CAPSL: variants seen among roughly 807,000 people sequenced by gnomAD.
CAPSL encodes the protein calcyphosin-like protein.
Under a neutral mutation model 21.3 loss-of-function variants are expected in CAPSL, and 17 were observed. The ratio of observed to expected loss-of-function variants is 0.80; its 90% CI spans 0.55 to 1.20. The LOEUF (loss-of-function observed/expected upper bound fraction) is 1.20, where lower values mean the gene tolerates loss of function less well. Ranked by LOEUF, CAPSL falls within the 50% of genes most tolerant of loss-of-function variation. The probability of loss-of-function intolerance (pLI) is 0.00; values close to 1 mark genes in which losing one functional copy is unlikely to be tolerated. For synonymous variants in CAPSL, 102 were observed against 89.3 expected (o/e 1.14, Z -0.80); for missense variants, 289 against 259.3 (o/e 1.11, Z -0.79).
chr5:35,906,842 T>C (rs1237752006), intron 4 of CAPSL, among the ~76,000 whole-genome samples: 1 of 152,084 alleles, frequency 6.6e-6, no homozygotes, highest in Non-Finnish European at 1.5e-5. Flanking sequence ...GGGCAAAAGA[T>C]AAAGGAAGCA....
chr5:35,923,291 T>C (rs852244), intron 1 of CAPSL, among the ~76,000 whole-genome samples: 27,649 of 152,100 alleles, frequency 0.18, 3,322 homozygotes, highest in East Asian at 0.51. Context: ...AGCTCCTGGA[T>C]CTGGGACAGA....
intron 1 of CAPSL, among the ~76,000 whole-genome samples, chr5:35,924,501 G>A (rs1234137669): frequency 2.0e-5 from 3 of 152,128 alleles, no homozygotes; most frequent in Non-Finnish European, 4.4e-5. Context: ...ACCTCTTGAG[G>A]CTGACCCTAC....
intron 2 of CAPSL, among the ~76,000 whole-genome samples, chr5:35,919,170 A>AAAAAATATATATATATATAT (rs754098152): frequency 4.9e-5 from 6 of 121,268 alleles, no homozygotes; most frequent in South Asian, 5.2e-4. Flanking sequence ...TAAAAAAAAA[A>AAAAAATATATATATATATAT]ATATATATAT....
At chr5:35,911,547 A>T (rs1375768589) in intron 2 of CAPSL, among the ~76,000 whole-genome samples, 1 of 152,218 alleles carries the variant, frequency 6.6e-6, no homozygotes, top group Non-Finnish European at 1.5e-5. Flanking sequence ...AAAACCAGGA[A>T]AGTCTGAGAA....
chr5:35,911,181 C>T (rs187491876), intron 2 of CAPSL, among the ~76,000 whole-genome samples: 93 of 152,248 alleles, frequency 6.1e-4, no homozygotes, highest in African/African-American at 2.2e-3. Context: ...CAGAAAAATT[C>T]CAAATAAGTT....
At chr5:35,928,486 G>A (rs1023350115) in intron 1 of CAPSL, among the ~76,000 whole-genome samples, 1 of 152,188 alleles carries the variant, frequency 6.6e-6, no homozygotes, top group Non-Finnish European at 1.5e-5. Context: ...TTGACATCGT[G>A]AGAGTTACTT....
At chr5:35,906,880 G>A (rs1218141632) in intron 4 of CAPSL, among the ~76,000 whole-genome samples, 2 of 152,232 alleles carry the variant, frequency 1.3e-5, no homozygotes, top group East Asian at 1.9e-4. Context: ...GTCAGATGAC[G>A]TCAAGCCAGA....
intron 2 of CAPSL, among the ~76,000 whole-genome samples, chr5:35,913,149 G>C (rs187215688): frequency 3.3e-4 from 50 of 152,190 alleles, no homozygotes; most frequent in African/African-American, 9.6e-4. Flanking sequence ...GAGAAGAGAA[G>C]TTTAGAGATA....
At chr5:35,918,642 A>T (rs530130116) in intron 2 of CAPSL, among the ~76,000 whole-genome samples, 23 of 152,342 alleles carry the variant, frequency 1.5e-4, no homozygotes, top group Admixed American at 8.5e-4. Context: ...TGGAGTAATC[A>T]GAATCTAAAG....
chr5:35,904,933 G>A (rs1420403319), intron 4 of CAPSL, among the ~76,000 whole-genome samples: 1 of 152,186 alleles, frequency 6.6e-6, no homozygotes, highest in Non-Finnish European at 1.5e-5. Flanking sequence ...GTCGGTTCAG[G>A]TAAGGGAGAC....
At chr5:35,930,822 A>G (rs1738801764) in intron 1 of CAPSL, among the ~76,000 whole-genome samples, 1 of 152,052 alleles carries the variant, frequency 6.6e-6, no homozygotes, top group South Asian at 2.1e-4. Flanking sequence ...GCCCTATTCC[A>G]CTTTCTACTG....
chr5:35,904,813 G>T, intron 4 of CAPSL, 167 bp from the exon 5 acceptor site: 1 of 632,662 alleles, frequency 1.6e-6, no homozygotes, highest in Non-Finnish European at 2.0e-6. Context: ...GCTGAGGATG[G>T]TGTGAGAACA....
chr5:35,932,927 G>T (rs1423186592), intron 1 of CAPSL, among the ~76,000 whole-genome samples: 1 of 152,106 alleles, frequency 6.6e-6, no homozygotes, highest in Non-Finnish European at 1.5e-5. Context: ...AAATAATCTA[G>T]GCCTGGGACA....
chr5:35,933,800 G>A (rs1298099989), intron 1 of CAPSL, among the ~76,000 whole-genome samples: 1 of 152,098 alleles, frequency 6.6e-6, no homozygotes, highest in Non-Finnish European at 1.5e-5. Flanking sequence ...TTTTAGTTTG[G>A]GAAATTTTAA....
At chr5:35,915,170 A>T (rs1341312547) in intron 2 of CAPSL, among the ~76,000 whole-genome samples, 2 of 152,232 alleles carry the variant, frequency 1.3e-5, no homozygotes, top group Non-Finnish European at 2.9e-5. Context: ...GAAGAAGTTG[A>T]ATCTCTGAAT....
At chr5:35,911,986 C>T (rs1738236894) in intron 2 of CAPSL, among the ~76,000 whole-genome samples, 2 of 152,272 alleles carry the variant, frequency 1.3e-5, no homozygotes, top group East Asian at 1.9e-4. Context: ...ACAGACGGCA[C>T]CTGGAAAATC....
rs904752205 is a variant in CAPSL at position 35,910,194 on chromosome 5, A to T, written c.316-119T>A. On this transcript the variant is annotated intron_variant, in intron 3 of 4. Transcript: ENST00000651391. ...TGTGAAATAATATTTGTGTGCTATT[A>T]TGTAATAGACACTACAATTGCTCCA... 1.8e-5 allele frequency: 20 copies of T among 1,101,226 alleles called. No homozygotes were observed. The African/African-American group carries it at 2.5e-4, about 14-fold the overall frequency. 68.2% of individuals were successfully genotyped at this position (1,101,226 alleles called of 1,614,324 possible). A position where few individuals can be genotyped will look rare whatever the true frequency, so the allele number is the denominator to read the frequency against.
At chr5:35,934,303 C>T (rs1192120020) in intron 1 of CAPSL, among the ~76,000 whole-genome samples, 1 of 152,230 alleles carries the variant, frequency 6.6e-6, no homozygotes, top group Non-Finnish European at 1.5e-5. Context: ...TGGGACCAAG[C>T]ATACCTTCCA....
At chr5:35,906,092 A>G (rs184959965) in intron 4 of CAPSL, among the ~76,000 whole-genome samples, 54 of 152,356 alleles carry the variant, frequency 3.5e-4, no homozygotes, top group Non-Finnish European at 5.4e-4. Context: ...TAAAAGAGTT[A>G]CCCACGAGAC....
Sources: gnomAD v4.1 joint callset for allele counts (sites outside exome capture counted in the v4.1 genomes callset) on GRCh38, gnomAD v4.1.1 for gene constraint, MANE v1.5 for transcripts, NCBI Gene and HGNC (gene_info 2026-07-23, HGNC 2026-07-21) for gene names.